COPS8: variants seen among roughly 807,000 people sequenced by gnomAD.
The protein encoded by COPS8 is COP9 signalosome subunit 8.
A neutral mutation model predicts 31.5 loss-of-function variants in COPS8; 11 were observed. That is an observed-to-expected ratio of 0.35 (90% confidence interval 0.22 to 0.58). The LOEUF is 0.58. COPS8 is among the 20% of genes least tolerant of loss of function. The pLI is 0.83. For synonymous variants in COPS8, 81 were observed against 89.3 expected (o/e 0.91, Z 0.52); for missense variants, 215 against 255.1 (o/e 0.84, Z 1.07).
At chr2:237,096,001 A>G in intron 6 of COPS8, 117 bp downstream of exon 6, 4 of 685,746 alleles carry the variant, frequency 5.8e-6, no homozygotes, top group South Asian at 1.8e-5. Context: ...ACACAATGGA[A>G]ATAACTCATT....
chr2:237,096,953 G>A, intron 7 of COPS8, 84 bp downstream of exon 7: 3 of 900,534 alleles, frequency 3.3e-6, no homozygotes, highest in Non-Finnish European at 5.3e-6. Context: ...GTGTGTGTGA[G>A]TGTGTGTATC....
intron 7 of COPS8, 68 bp downstream of exon 7, chr2:237,096,937 G>GTA (rs1696813323): frequency 1.9e-6 from 2 of 1,053,270 alleles, no homozygotes; most frequent in African/African-American, 3.3e-5. Flanking sequence ...TAGTATATAT[G>GTA]TATATGTGTG....
At chr2:237,097,522 G>T in intron 7 of COPS8, 141 bp from the exon 8 acceptor site, 2 of 628,070 alleles carry the variant, frequency 3.2e-6, no homozygotes, top group Non-Finnish European at 5.6e-6. Flanking sequence ...TATGATGTAA[G>T]ATTTTGTCTA....
intron 4 of COPS8, among the ~76,000 whole-genome samples, chr2:237,091,862 A>C (rs1696710697): frequency 6.6e-6 from 1 of 152,218 alleles, no homozygotes; most frequent in African/African-American, 2.4e-5. Context: ...GAAAGGGCAT[A>C]GGAAGTGAAT....
chr2:237,096,768 G>C, intron 6 of COPS8, 54 bp from the exon 7 acceptor site: 2 of 1,383,194 alleles, frequency 1.4e-6, no homozygotes, highest in Non-Finnish European at 2.0e-6. Context: ...TTCTATGAAA[G>C]ATCTTTACAA....
At chr2:237,090,142 C>A in intron 4 of COPS8, 148 bp downstream of exon 4, 1 of 677,586 alleles carries the variant, frequency 1.5e-6, no homozygotes, top group Non-Finnish European at 2.2e-6. Context: ...TAGATTTGCC[C>A]TAATCATGCT....
At chr2:237,087,301 C>A in intron 2 of COPS8, 104 bp downstream of exon 2, 1 of 708,046 alleles carries the variant, frequency 1.4e-6, no homozygotes, top group Non-Finnish European at 2.4e-6. Context: ...CAACGAGCTA[C>A]CTTTTTTATT....
intron 5 of COPS8, among the ~76,000 whole-genome samples, 181 bp from the exon 6 acceptor site, chr2:237,095,641 T>A (rs1381083490): frequency 2.0e-5 from 3 of 152,170 alleles, no homozygotes; most frequent in Non-Finnish European, 2.9e-5. Context: ...GATACCTGTT[T>A]CAGAAATATT....
At chr2:237,091,682 G>A (rs1276736010) in intron 4 of COPS8, among the ~76,000 whole-genome samples, 1 of 152,172 alleles carries the variant, frequency 6.6e-6, no homozygotes, top group Non-Finnish European at 1.5e-5. Flanking sequence ...AATGACTTAA[G>A]AGAAGCTAGT....
chr2:237,085,947 G>A lies in COPS8; in HGVS notation c.-18G>A, dbSNP rs1470664275. 23 of 1,610,312 alleles carry A rather than the reference G, an allele frequency of 1.4e-5. 2 individuals are homozygous for A. In the South Asian group the frequency reaches 2.5e-4, roughly 18 times the overall value. Reference sequence around the variant, plus strand: ...GTTTGGCTGTCCGGACGGTGCAGCGGCGAGGCCGGCCGCGAAGATGCCAGT... The same window carrying A: ...GTTTGGCTGTCCGGACGGTGCAGCGACGAGGCCGGCCGCGAAGATGCCAGT... On this transcript the variant is annotated 5_prime_UTR_variant, in exon 1 of 8. Transcript: ENST00000354371.
At chr2:237,090,327 T>G (rs1696684140) in intron 4 of COPS8, among the ~76,000 whole-genome samples, 1 of 152,236 alleles carries the variant, frequency 6.6e-6, no homozygotes, top group Admixed American at 6.5e-5. Context: ...TAGAGACTGC[T>G]CTTTGAATTT....
chr2:237,092,521 T>G (rs1028987253), intron 4 of COPS8, among the ~76,000 whole-genome samples: 1 of 152,150 alleles, frequency 6.6e-6, no homozygotes, highest in Non-Finnish European at 1.5e-5. Flanking sequence ...ATGAATATAG[T>G]TTTATGGTGT....
intron 1 of COPS8, 98 bp from the exon 2 acceptor site, chr2:237,087,029 C>T: frequency 4.1e-6 from 3 of 736,062 alleles, no homozygotes; most frequent in Non-Finnish European, 6.5e-6. Context: ...TTAAAATTAG[C>T]ATTTATAAAA....
chr2:237,087,013 T>A (rs6729791), intron 1 of COPS8, 114 bp from the exon 2 acceptor site: 8,095 of 683,212 alleles, frequency 0.012, 427 homozygotes, highest in African/African-American at 0.12. Flanking sequence ...CTAAAAAGGC[T>A]TACTTTTAAA....
Position 237,087,265 on chromosome 2 carries a change from T to C in COPS8, c.149+68T>C, listed in dbSNP as rs1696635102. 5 of 1,137,974 alleles carry C rather than the reference T, an allele frequency of 4.4e-6. No homozygotes were observed. In the Admixed American group the frequency reaches 1.1e-4, roughly 24 times the overall value. 70.5% of individuals were successfully genotyped at this position (1,137,974 alleles called of 1,614,324 possible). On this transcript the variant is annotated intron_variant, in intron 2 of 7. Transcript: ENST00000354371. Reference sequence around the variant, plus strand: ...AAGTTATATGGAAATATTTCTGCACTGAAGTAGCACCACTAAACATAGGCA... The same window carrying C: ...AAGTTATATGGAAATATTTCTGCACCGAAGTAGCACCACTAAACATAGGCA...
At chr2:237,087,413 A>G in intron 2 of COPS8, 1 of 523,122 alleles carries the variant, frequency 1.9e-6, no homozygotes, top group Non-Finnish European at 3.5e-6. Context: ...ATTTCAATTT[A>G]TTATGACAAA....
At chr2:237,097,106 T>C (rs1696816834) in intron 7 of COPS8, among the ~76,000 whole-genome samples, 1 of 152,202 alleles carries the variant, frequency 6.6e-6, no homozygotes, top group Non-Finnish European at 1.5e-5. Context: ...CTTATTCTCA[T>C]GTCAGGGAGG....
At chr2:237,094,306 C>A in intron 5 of COPS8, 109 bp downstream of exon 5, 1 of 1,062,724 alleles carries the variant, frequency 9.4e-7, no homozygotes, top group Non-Finnish European at 1.3e-6. Flanking sequence ...TTTTGGAGTC[C>A]AGGCTGTGTT....
rs1222126126 is a variant in COPS8 at position 237,098,488 on chromosome 2, T to C, written c.*746T>C. 1 of 152,266 alleles carries C rather than the reference T, an allele frequency of 6.6e-6. No individual in the cohort carries two copies. The highest frequency in any genetic ancestry group is 2.4e-5 in the African/African-American group (1 of 41,464). The allele number at this position is 152,266 out of a possible 1,614,324, so 9.4% of individuals were successfully genotyped here. A position where few individuals can be genotyped will look rare whatever the true frequency, so the allele number is the denominator to read the frequency against. ...AGCTATGAAGATACATGATACACTT[T>C]GTACAACTATCCTGCAGCCCATTGG... On this transcript the variant is annotated 3_prime_UTR_variant, in exon 8 of 8. Coordinates refer to ENST00000354371, the MANE Select transcript of COPS8 (RefSeq NM_006710.5).
Sources: gnomAD v4.1 joint callset for allele counts (sites outside exome capture counted in the v4.1 genomes callset) on GRCh38, gnomAD v4.1.1 for gene constraint, MANE v1.5 for transcripts, NCBI Gene and HGNC (gene_info 2026-07-23, HGNC 2026-07-21) for gene names.